MCPH1: variants seen among roughly 807,000 people sequenced by gnomAD.
The protein encoded by MCPH1 is microcephalin.
In MCPH1, 104 loss-of-function variants were observed where a neutral mutation model predicts 84.5. The ratio of observed to expected loss-of-function variants is 1.23; its 90% CI spans 1.05 to 1.45. MCPH1 has a LOEUF of 1.45. Ranked by LOEUF, MCPH1 falls within the 40% of genes most tolerant of loss-of-function variation. MCPH1 has a pLI of 0.00. For missense variants in MCPH1, 1,498 were observed against 1,005.7 expected (o/e 1.49, Z -6.62); for synonymous variants, 514 against 366.8 (o/e 1.40, Z -4.58).
chr8:6,483,280 C>G (rs767288749), intron 11 of MCPH1, among the ~76,000 whole-genome samples: 1 of 152,234 alleles, frequency 6.6e-6, no homozygotes, highest in Non-Finnish European at 1.5e-5. Context: ...AACACATTCT[C>G]ATTCAAAATC....
chr8:6,509,126 T>G, intron 12 of MCPH1: 3 of 1,570,872 alleles, frequency 1.9e-6, no homozygotes, highest in Non-Finnish European at 1.7e-6. Flanking sequence ...AGTGGCAAAT[T>G]TTTTGTGATG....
At position 6,552,166 on chromosome 8, in the gene MCPH1, G is replaced by A. The variant is rs79821083; in HGVS notation, c.2214+52237G>A. Reference sequence around the variant, plus strand: ...TGCTTAACCCCAAAATGCCTGCTTAGAAGGTAGTTTGGGGCTATCTTGTAA... The same window carrying A: ...TGCTTAACCCCAAAATGCCTGCTTAAAAGGTAGTTTGGGGCTATCTTGTAA... On this transcript the variant is annotated intron_variant, in intron 12 of 13. Transcript: ENST00000344683. Among the ~76,000 whole-genome samples the A allele has an allele frequency of 2.4e-3, 361 of 152,332 alleles. 2 individuals are homozygous for A. The highest frequency in any genetic ancestry group is 8.5e-3 in the African/African-American group (352 of 41,576).
chr8:6,414,313 T>C (rs1798953402), intron 2 of MCPH1, among the ~76,000 whole-genome samples: 1 of 152,246 alleles, frequency 6.6e-6, no homozygotes, highest in Non-Finnish European at 1.5e-5. Flanking sequence ...CAGCCATGGA[T>C]ACAGTATCTT....
chr8:6,448,957 AAT>A (rs1279688206), intron 8 of MCPH1, among the ~76,000 whole-genome samples: 1 of 151,912 alleles, frequency 6.6e-6, no homozygotes, highest in Non-Finnish European at 1.5e-5. Context: ...TTTTTTTTGT[AAT>A]ACAGGTCTAT....
At chr8:6,564,287 T>C (rs1351020219) in intron 12 of MCPH1, among the ~76,000 whole-genome samples, 1 of 152,178 alleles carries the variant, frequency 6.6e-6, no homozygotes, top group African/African-American at 2.4e-5. Context: ...CACAAACTTC[T>C]TTATTGTGTC....
chr8:6,431,052 G>A (rs1209700001), intron 3 of MCPH1, among the ~76,000 whole-genome samples: 1 of 152,144 alleles, frequency 6.6e-6, no homozygotes, highest in Non-Finnish European at 1.5e-5. Context: ...GTGGTGTCTG[G>A]ACAGAAACAC....
intron 11 of MCPH1, among the ~76,000 whole-genome samples, chr8:6,494,837 A>C (rs1031309): frequency 0.65 from 98,380 of 152,074 alleles, 35,282 homozygotes; most frequent in Non-Finnish European, 0.8. Context: ...CTGGTTGCAC[A>C]GCATCATGAT....
At chr8:6,417,179 A>G (rs1036005581) in intron 3 of MCPH1, among the ~76,000 whole-genome samples, 2 of 152,040 alleles carry the variant, frequency 1.3e-5, no homozygotes, top group Non-Finnish European at 2.9e-5. Context: ...TTCTTCATCT[A>G]TCTTTTCTGC....
chr8:6,499,788 C>G (rs1293541862), intron 11 of MCPH1, 64 bp from the exon 12 acceptor site: 3 of 1,456,802 alleles, frequency 2.1e-6, no homozygotes, highest in Admixed American at 3.3e-5. Flanking sequence ...CAAAGTGATT[C>G]TTGGTTTATT....
At chr8:6,638,947 C>T (rs911484048) in intron 13 of MCPH1, among the ~76,000 whole-genome samples, 7 of 152,208 alleles carry the variant, frequency 4.6e-5, no homozygotes, top group African/African-American at 1.7e-4. Flanking sequence ...GTCACAGCCC[C>T]ATGCGCACCT....
At chr8:6,491,586 T>C (rs960901173) in intron 11 of MCPH1, among the ~76,000 whole-genome samples, 7 of 152,096 alleles carry the variant, frequency 4.6e-5, no homozygotes, top group Non-Finnish European at 8.8e-5. Context: ...TAACTCGTCA[T>C]TTAGCATTAG....
intron 12 of MCPH1, chr8:6,527,468 C>G (rs1818544254): frequency 6.7e-7 from 1 of 1,496,774 alleles, no homozygotes. Flanking sequence ...AGAAACTCAC[C>G]ATTCTGATAA....
At chr8:6,459,903 G>A (rs1301813040) in intron 9 of MCPH1, among the ~76,000 whole-genome samples, 2 of 152,224 alleles carry the variant, frequency 1.3e-5, no homozygotes, top group Non-Finnish European at 2.9e-5. Flanking sequence ...CCTGTGCGAA[G>A]AGCAGCACGG....
intron 9 of MCPH1, among the ~76,000 whole-genome samples, chr8:6,468,585 A>G (rs1387425051): frequency 6.6e-6 from 1 of 151,740 alleles, no homozygotes; most frequent in Non-Finnish European, 1.5e-5. Flanking sequence ...GAGGTGGTGC[A>G]GATGTATTGT....
At chr8:6,447,755 T>C (rs1464998735) in intron 8 of MCPH1, among the ~76,000 whole-genome samples, 1 of 152,204 alleles carries the variant, frequency 6.6e-6, no homozygotes, top group Non-Finnish European at 1.5e-5. Flanking sequence ...TTTCACGTCT[T>C]GGCCAGGCTG....
At chr8:6,437,850 C>T (rs1003179245) in intron 5 of MCPH1, among the ~76,000 whole-genome samples, 4 of 152,166 alleles carry the variant, frequency 2.6e-5, no homozygotes, top group African/African-American at 9.7e-5. Context: ...TCCCCTGATG[C>T]CTGGATCATC....
chr8:6,466,189 T>G (rs1806917502), intron 9 of MCPH1, among the ~76,000 whole-genome samples: 1 of 144,602 alleles, frequency 6.9e-6, no homozygotes, highest in Non-Finnish European at 1.5e-5. Flanking sequence ...CAGGCTGGAG[T>G]GCAGTTGCGC....
intron 9 of MCPH1, among the ~76,000 whole-genome samples, chr8:6,455,911 T>C (rs900004524): frequency 6.6e-6 from 1 of 152,148 alleles, no homozygotes; most frequent in Non-Finnish European, 1.5e-5. Flanking sequence ...GGAAAAACCA[T>C]ACCGATTGAA....
intron 12 of MCPH1, among the ~76,000 whole-genome samples, chr8:6,560,749 C>A (rs554695557): frequency 1.3e-5 from 2 of 152,276 alleles, no homozygotes; most frequent in African/African-American, 4.8e-5. Context: ...AACTCGTTGT[C>A]TTTTTCTGTC....
Sources: gnomAD v4.1 joint callset for allele counts (sites outside exome capture counted in the v4.1 genomes callset) on GRCh38, gnomAD v4.1.1 for gene constraint, MANE v1.5 for transcripts, NCBI Gene and HGNC (gene_info 2026-07-23, HGNC 2026-07-21) for gene names.